Variants in CA10 observed in about 807,000 individuals in gnomAD.
The protein encoded by CA10 is carbonic anhydrase-related protein 10.
Under a neutral mutation model 44.2 loss-of-function variants are expected in CA10, and 14 were observed. The ratio of observed to expected loss-of-function variants is 0.32; its 90% CI spans 0.21 to 0.50. The LOEUF (loss-of-function observed/expected upper bound fraction) is 0.50, where lower values mean the gene tolerates loss of function less well. CA10 is among the 20% of genes least tolerant of loss of function. CA10 has a pLI of 0.99. For synonymous variants in CA10, 159 were observed against 141.6 expected, an observed-to-expected ratio of 1.12 and a Z score of -0.87; for missense variants, 350 against 409.7, an observed-to-expected ratio of 0.85 and a Z score of 1.26.
intron 4 of CA10, among the ~76,000 whole-genome samples, chr17:51,674,877 C>T (rs959101288): frequency 3.9e-5 from 6 of 152,156 alleles, no homozygotes; most frequent in African/African-American, 1.2e-4. Context: ...TTCCTTTGTG[C>T]GTGTATTGTG....
At chr17:51,917,089 G>A (rs1400188919) in intron 3 of CA10, among the ~76,000 whole-genome samples, 1 of 152,044 alleles carries the variant, frequency 6.6e-6, no homozygotes, top group Admixed American at 6.6e-5. Flanking sequence ...GAACAGTGGT[G>A]TGCTGTGTGC....
rs574748825 is a variant in CA10 at position 52,018,877 on chromosome 17, G to A, written c.136+53442C>T. ...AGTGGGAGGTGTTTGGGTCACGGGGGTAGATCCCTCATGAATGGCTTGGTG... is the reference window on the plus strand; with the variant it reads ...AGTGGGAGGTGTTTGGGTCACGGGGATAGATCCCTCATGAATGGCTTGGTG... On this transcript the variant is annotated intron_variant, in intron 2 of 8. Transcript: ENST00000451037. Among the ~76,000 whole-genome samples the A allele has an allele frequency of 3.0e-4, 45 of 151,072 alleles. No homozygotes were observed. In the South Asian group the frequency reaches 5.3e-3, roughly 18 times the overall value.
At chr17:51,929,688 C>T (rs556029473) in intron 3 of CA10, among the ~76,000 whole-genome samples, 10 of 82,682 alleles carry the variant, frequency 1.2e-4, no homozygotes, top group Non-Finnish European at 1.8e-4. Context: ...CACGTGTTCA[C>T]GACTTTAAAT....
intron 3 of CA10, among the ~76,000 whole-genome samples, chr17:51,893,733 A>G (rs760149940): frequency 6.6e-6 from 1 of 152,220 alleles, no homozygotes; most frequent in Non-Finnish European, 1.5e-5. Context: ...AGTGAATAAC[A>G]TAGCCCAGGC....
At chr17:52,052,469 A>G (rs1598188424) in intron 2 of CA10, among the ~76,000 whole-genome samples, 1 of 152,000 alleles carries the variant, frequency 6.6e-6, no homozygotes, top group South Asian at 2.1e-4. Context: ...GGGCACACAT[A>G]TTTACTGTCT....
intron 4 of CA10, among the ~76,000 whole-genome samples, chr17:51,732,642 A>G (rs1173394121): frequency 2.0e-5 from 3 of 152,148 alleles, no homozygotes; most frequent in African/African-American, 4.8e-5. Flanking sequence ...ACCAAGACCT[A>G]TTTATCTACC....
At chr17:51,894,452 T>G (rs1980986524) in intron 3 of CA10, among the ~76,000 whole-genome samples, 1 of 152,048 alleles carries the variant, frequency 6.6e-6, no homozygotes, top group Non-Finnish European at 1.5e-5. Flanking sequence ...GGATAAAGTG[T>G]CATACCTCCT....
At chr17:52,087,656 C>A (rs1189033929) in intron 1 of CA10, among the ~76,000 whole-genome samples, 2 of 152,132 alleles carry the variant, frequency 1.3e-5, no homozygotes, top group Non-Finnish European at 2.9e-5. Flanking sequence ...TGTATTACAA[C>A]ATATTGAATA....
At chr17:51,681,713 A>T (rs1403106427) in intron 4 of CA10, among the ~76,000 whole-genome samples, 1 of 152,188 alleles carries the variant, frequency 6.6e-6, no homozygotes, top group African/African-American at 2.4e-5. Context: ...AAGGGGTACA[A>T]TTGCAGTTTT....
intron 6 of CA10, among the ~76,000 whole-genome samples, chr17:51,636,775 TTGTGTGTGTGTGTG>T (rs57428535): frequency 9.5e-5 from 14 of 146,620 alleles, no homozygotes; most frequent in South Asian, 2.2e-4. Flanking sequence ...ACTGATTATT[TTGTGTGTGTGTGTG>T]TGTGTGTGTG....
intron 2 of CA10, among the ~76,000 whole-genome samples, chr17:52,060,025 T>G (rs1987340074): frequency 6.6e-6 from 1 of 152,204 alleles, no homozygotes; most frequent in Non-Finnish European, 1.5e-5. Flanking sequence ...CTAGCCTTGT[T>G]GAATCTTCCA....
At chr17:52,118,758 A>G (rs1988951354) in intron 1 of CA10, among the ~76,000 whole-genome samples, 2 of 152,214 alleles carry the variant, frequency 1.3e-5, no homozygotes, top group South Asian at 4.1e-4. Flanking sequence ...AAGTTATTGT[A>G]AACCACAGAG....
Position 52,149,004 on chromosome 17 carries a change from T to A in CA10, c.61+8722A>T, listed in dbSNP as rs112080729. ...TATTTATTATTATTCTAACCTTGTG[T>A]TGGAGGACAGGCCTATGCTCCCTCA... On this transcript the variant is annotated intron_variant, in intron 1 of 8. Coordinates refer to ENST00000451037, the MANE Select transcript of CA10 (RefSeq NM_020178.5). Among the ~76,000 whole-genome samples, 909 of 152,360 alleles carry A rather than the reference T, an allele frequency of 6.0e-3. 6 individuals are homozygous for A. The highest frequency in any genetic ancestry group is 8.5e-3 in the Non-Finnish European group (581 of 68,030).
intron 3 of CA10, among the ~76,000 whole-genome samples, chr17:51,792,591 T>G (rs1358726559): frequency 1.3e-5 from 2 of 152,178 alleles, no homozygotes; most frequent in Non-Finnish European, 2.9e-5. Flanking sequence ...TAGCATGCTG[T>G]TAATTGTTTT....
chr17:52,159,930 G>C (rs1290021230), upstream of CA10: 1 of 152,108 alleles, frequency 6.6e-6, no homozygotes, highest in Non-Finnish European at 1.5e-5. Flanking sequence ...CTACCTCTTT[G>C]GGGTTATTGA....
intron 3 of CA10, among the ~76,000 whole-genome samples, chr17:51,776,635 T>C (rs887283235): frequency 3.9e-5 from 6 of 152,222 alleles, no homozygotes; most frequent in Non-Finnish European, 8.8e-5. Context: ...ATAAAACTTG[T>C]AGTTGAAAAA....
chr17:51,692,234 G>C (rs1332787120), intron 4 of CA10, among the ~76,000 whole-genome samples: 1 of 90,024 alleles, frequency 1.1e-5, no homozygotes, highest in Non-Finnish European at 2.2e-5. Flanking sequence ...TTTATTCTTA[G>C]GGTTTTTTTT....
intron 2 of CA10, among the ~76,000 whole-genome samples, chr17:52,071,137 G>C (rs189044887): frequency 1.5e-4 from 23 of 152,266 alleles, no homozygotes; most frequent in Non-Finnish European, 2.8e-4. Context: ...CAATGAAATT[G>C]TTATATCATT....
At chr17:51,883,114 C>T (rs928839848) in intron 3 of CA10, among the ~76,000 whole-genome samples, 1 of 152,174 alleles carries the variant, frequency 6.6e-6, no homozygotes, top group Non-Finnish European at 1.5e-5. Flanking sequence ...TACTGTCAGT[C>T]ACATTTACTC....
Sources: allele counts gnomAD v4.1 joint callset (sites outside exome capture counted in the v4.1 genomes callset), GRCh38; gene constraint gnomAD v4.1.1; transcripts MANE v1.5; gene names NCBI Gene and HGNC (gene_info 2026-07-23, HGNC 2026-07-21).